BCAR1: variants seen among roughly 807,000 people sequenced by gnomAD.
BCAR1 encodes breast cancer anti-estrogen resistance protein 1.
Under a neutral mutation model 67.6 loss-of-function variants are expected in BCAR1, and 30 were observed. The observed-to-expected ratio is 0.44, with a 90% CI of 0.33 to 0.60. The LOEUF is 0.60. Ranked by LOEUF, BCAR1 falls within the 20% of genes least tolerant of loss-of-function variation. The probability of loss-of-function intolerance (pLI) is 0.02; values close to 1 mark genes in which losing one functional copy is unlikely to be tolerated. For synonymous variants in BCAR1, 626 were observed against 556.7 expected, an observed-to-expected ratio of 1.12 and a Z score of -1.75; for missense variants, 1,313 against 1,222.3, an observed-to-expected ratio of 1.07 and a Z score of -1.11.
chr16:75,235,119 C>T lies in BCAR1; in HGVS notation c.1780G>A (p.Ala594Thr), dbSNP rs771576746. Residue 594 changes from alanine to threonine, a missense_variant, in exon 5 of 7, where the codon GCC (alanine) becomes ACC (threonine). Physicochemically the swap from Ala to Thr is moderately conservative, Grantham distance 58. Transcript: ENST00000162330. ...RAVPEDAKQL[A>T]SFLHGNASLL... ...GAGGCATTGCCGTGCAGGAAGGAGG[C>T]CAGCTGCTTGGCGTCCTCGGGCACA... 38 of 1,610,818 alleles carry T rather than the reference C, an allele frequency of 2.4e-5. No individual in the cohort carries two copies. The highest frequency in any genetic ancestry group is 3.3e-5 in the Admixed American group (2 of 60,008).
intron 5 of BCAR1, among the ~76,000 whole-genome samples, chr16:75,234,198 C>T (rs1391650354): frequency 8.0e-6 from 1 of 124,500 alleles, no homozygotes; most frequent in Non-Finnish European, 1.6e-5. Context: ...CACACACACA[C>T]ACACTCCCCC....
chr16:75,249,414 G>T (rs1205933155), intron 1 of BCAR1: 1 of 152,248 alleles, frequency 6.6e-6, no homozygotes, highest in Non-Finnish European at 1.5e-5. Context: ...TGTGCTCGGA[G>T]GGCCAGGAAG....
rs3826109 is a variant in BCAR1 at position 75,238,109 on chromosome 16, G to A, written c.634-765C>T. 1,483 of 1,288,848 alleles carry A rather than the reference G, an allele frequency of 1.2e-3. 40 individuals carry two copies. The East Asian group carries it at 0.058, about 51-fold the overall frequency. The allele number at this position is 1,288,848 out of a possible 1,614,324, so 79.8% of individuals were successfully genotyped here. A position where few individuals can be genotyped will look rare whatever the true frequency, so the allele number is the denominator to read the frequency against. On this transcript the variant is annotated intron_variant, in intron 2 of 6. Coordinates refer to ENST00000162330, the MANE Select transcript of BCAR1 (RefSeq NM_014567.5). ...CTCTTACCATGACCCAGAGCCCAGGGAAGCCAAGGCCCGCACAGTGGGTGA... is the reference window on the plus strand; with the variant it reads ...CTCTTACCATGACCCAGAGCCCAGGAAAGCCAAGGCCCGCACAGTGGGTGA...
intron 5 of BCAR1, among the ~76,000 whole-genome samples, 161 bp from the exon 6 acceptor site, chr16:75,234,096 GACACACAC>G (rs112392504): frequency 6.7e-6 from 1 of 148,390 alleles, no homozygotes; most frequent in Non-Finnish European, 1.5e-5. Flanking sequence ...AGCACACGTG[GACACACAC>G]ACACACACAA....
chr16:75,235,857 G>A lies in BCAR1; in HGVS notation c.1042C>T (p.Leu348=), dbSNP rs2077106432. Residue 348 remains leucine (L), a synonymous_variant, in exon 5 of 7, where the codon CTG becomes TTG. Transcript: ENST00000162330. ...GGGGAGTCTGGAGGGGGCGCAGCCAGTACCAGTGGGGTGCGGGCCGGGTCA... is the reference window on the plus strand; with the variant it reads ...GGGGAGTCTGGAGGGGGCGCAGCCAATACCAGTGGGGTGCGGGCCGGGTCA... ...PFDPARTPLV[L]AAPPPDSPPA... is the part of the protein sequence containing the mutation. 6.4e-7 allele frequency: 1 copy of A among 1,567,462 alleles called. No individual in the cohort carries two copies. Among genetic ancestry groups the A allele is most frequent in the African/African-American group, 1.4e-5 (1 of 73,982 alleles).
At chr16:75,256,943 C>T (rs1028744768) in intron 1 of BCAR1, among the ~76,000 whole-genome samples, 6 of 152,170 alleles carry the variant, frequency 3.9e-5, no homozygotes, top group South Asian at 2.1e-4. Flanking sequence ...CACTCTGCCC[C>T]GCTGCTGACC....
In BCAR1 at chr16:75,242,636, G is replaced by A. The variant is rs373232015; in HGVS notation, c.467C>T (p.Pro156Leu). Residue 156 changes from proline (P) to leucine (L), a missense_variant, in exon 2 of 7, where the codon CCG (proline) becomes CTG (leucine). By Grantham distance (98) the Pro-to-Leu change is moderately conservative. This residue lies in a region of BCAR1 where 1,272 missense variants were observed against 1,137.5 expected (regional missense o/e 1.12). Transcript: ENST00000162330. ...STFSKQTPHH[P>L]FPSPATDLYQ... ...CAGGTCTGTGGCCGGGCTGGGAAAC[G>A]GGTGATGGGGTGTCTGCTTCGAGAA... 20 of 1,515,008 alleles carry A rather than the reference G, an allele frequency of 1.3e-5. No homozygotes were observed. The highest frequency in any genetic ancestry group is 8.4e-5 in the African/African-American group (6 of 71,666). 93.8% of individuals were successfully genotyped at this position (1,515,008 alleles called of 1,614,324 possible). A position where few individuals can be genotyped will look rare whatever the true frequency, so the allele number is the denominator to read the frequency against.
chr16:75,264,900 C>T (rs1261065673), intron 1 of BCAR1: 1 of 164,510 alleles, frequency 6.1e-6, no homozygotes, highest in Non-Finnish European at 1.3e-5. Context: ...CAGATGGTGT[C>T]CCTTCCTGGC....
rs781125129 is a variant in BCAR1, at chr16:75,229,585, C to T, written c.2539G>A (p.Val847Met). The change falls in exon 7 of 7, where the codon GTG becomes ATG. Residue 847 changes from valine to methionine, a missense_variant. Around this residue, in one of 2 missense-constraint regions of BCAR1, gnomAD observed 1,272 missense variants for 1,137.5 expected, o/e 1.12. Coordinates refer to ENST00000162330, the MANE Select transcript of BCAR1 (RefSeq NM_014567.5). ...YPSPSAAQDMVERVKELGHST... is the reference protein window; with the variant it reads ...YPSPSAAQDMMERVKELGHST... ...TGGCCCAGCTCCTTGACCCTCTCCA[C>T]CATGTCCTGGGCCGCGGAAGGCGAT... The T allele has an allele frequency of 6.2e-7, 1 of 1,611,130 alleles. No homozygotes were observed. The highest frequency in any genetic ancestry group is 8.5e-7 in the Non-Finnish European group (1 of 1,179,470).
At position 75,267,469 on chromosome 16, in the gene BCAR1, C is replaced by T. The variant is rs548048315; in HGVS notation, c.66+446G>A. On this transcript the variant is annotated intron_variant, in intron 1 of 6. Coordinates refer to the BCAR1 transcript ENST00000393422. ...CGCTCTGTGCATGTCTGGCACGTGG[C>T]CCTGCCCGTGCCCACCCGCCCGCAT... 1.8e-3 allele frequency among the ~76,000 whole-genome samples: 271 copies of T among 152,080 alleles called. 2 individuals carry two copies. The highest frequency in any genetic ancestry group is 6.0e-3 in the African/African-American group (250 of 41,376).
At chr16:75,239,741 T>G (rs925095557) in intron 2 of BCAR1, among the ~76,000 whole-genome samples, 3 of 152,086 alleles carry the variant, frequency 2.0e-5, no homozygotes, top group Non-Finnish European at 2.9e-5. Flanking sequence ...ACCTGGGTCA[T>G]GGTGGCCTGA....
chr16:75,233,997 C>T, intron 5 of BCAR1, 62 bp from the exon 6 acceptor site: 1 of 1,505,224 alleles, frequency 6.6e-7, no homozygotes, highest in South Asian at 1.2e-5. Context: ...CACAGGCCAG[C>T]CCTGTGGCGG....
At chr16:75,234,061 G>GCACACGTGGACGCACACA in intron 5 of BCAR1, 126 bp from the exon 6 acceptor site, 1 of 796,770 alleles carries the variant, frequency 1.3e-6, no homozygotes, top group Non-Finnish European at 2.1e-6. Flanking sequence ...GCACACACAC[G>GCACACGTGGACGCACACA]CACACGTGGA....
intron 1 of BCAR1, chr16:75,264,305 G>T: frequency 7.0e-7 from 1 of 1,433,938 alleles, no homozygotes; most frequent in Non-Finnish European, 9.2e-7. Flanking sequence ...CCCAGGCTGG[G>T]ATGTGGCCAG....
intron 1 of BCAR1, chr16:75,263,681 T>G: frequency 1.0e-6 from 1 of 985,492 alleles, no homozygotes; most frequent in Non-Finnish European, 1.2e-6. Flanking sequence ...TTATAATTTC[T>G]GTGGGCCAAA....
chr16:75,233,364 T>G (rs4887809), intron 6 of BCAR1, among the ~76,000 whole-genome samples: 1 of 151,956 alleles, frequency 6.6e-6, no homozygotes, highest in South Asian at 2.1e-4. Context: ...CAGAACAAGA[T>G]TCTGTGTCAA....
At chr16:75,264,600 A>G in intron 1 of BCAR1, 1 of 1,290,638 alleles carries the variant, frequency 7.7e-7, no homozygotes, top group Non-Finnish European at 9.8e-7. Context: ...TCATTTTTTC[A>G]TCTGTAAATA....
At position 75,235,026 on chromosome 16, in the gene BCAR1, G is replaced by C; in HGVS notation, c.1873C>G (p.Pro625Ala). The change falls in exon 5 of 7, where the codon CCC becomes GCC. Residue 625 changes from proline to alanine, a missense_variant. Pro to Ala is a conservative substitution (Grantham distance 27). This residue lies in a region of BCAR1 where 1,272 missense variants were observed against 1,137.5 expected (regional missense o/e 1.12). Coordinates refer to ENST00000162330, the MANE Select transcript of BCAR1 (RefSeq NM_014567.5). ...TGGATGCTGCTGGTCTTGTCAGTGG[G>C]GTTGGGGTGCAGGGTGCCACCCCCC... ...PEGGGTLHPN[P>A]TDKTSSIQSR... is the part of the protein sequence containing the mutation. The C allele has an allele frequency of 6.2e-7, 1 of 1,613,360 alleles. No individual in the cohort carries two copies. Among genetic ancestry groups the C allele is most frequent in the Non-Finnish European group, 8.5e-7 (1 of 1,179,964 alleles).
chr16:75,234,253 G>A (rs1352149388), intron 5 of BCAR1, among the ~76,000 whole-genome samples: 2 of 151,630 alleles, frequency 1.3e-5, no homozygotes, highest in African/African-American at 4.9e-5. Context: ...TGGCACATGC[G>A]GGGACACACA....
Sources: gnomAD v4.1 joint callset for allele counts (sites outside exome capture counted in the v4.1 genomes callset) on GRCh38, gnomAD v4.1.1 for gene constraint, gnomAD v4.1.1 regional missense constraint, MANE v1.5 for transcripts, NCBI Gene and HGNC (gene_info 2026-07-23, HGNC 2026-07-21) for gene names.